The following ICA1 variants were observed in gnomAD, a reference collection of about 807,000 sequenced individuals.
ICA1 encodes islet cell autoantigen 1.
In ICA1, 40 loss-of-function variants were observed where a neutral mutation model predicts 71.0. The ratio of observed to expected loss-of-function variants is 0.56; its 90% CI spans 0.44 to 0.73. The LOEUF (loss-of-function observed/expected upper bound fraction) is 0.73. Ranked by LOEUF, ICA1 falls within the 30% of genes least tolerant of loss-of-function variation. The pLI is 0.00. For synonymous variants in ICA1, 207 were observed against 209.5 expected (o/e 0.99, Z 0.10); for missense variants, 578 against 576.5 (o/e 1.00, Z -0.03).
intron 2 of ICA1, 133 bp from the exon 3 acceptor site, chr7:8,232,888 T>C (rs180979744): frequency 1.2e-5 from 9 of 726,588 alleles, no homozygotes; most frequent in Non-Finnish European, 1.7e-5. Context: ...GTATGAGCAC[T>C]TTCTTATCTG....
chr7:8,255,275 A>G (rs577001901), intron 1 of ICA1, among the ~76,000 whole-genome samples: 2 of 152,254 alleles, frequency 1.3e-5, no homozygotes, highest in South Asian at 2.1e-4. Flanking sequence ...CAGCCCAGAG[A>G]ACATCTTTCA....
chr7:8,138,774 T>C (rs1428411827), intron 12 of ICA1, 66 bp downstream of exon 12: 3 of 1,267,800 alleles, frequency 2.4e-6, no homozygotes, highest in Non-Finnish European at 3.4e-6. Flanking sequence ...TACACTTTCT[T>C]ACATGTAAAA....
chr7:8,260,971 T>C (rs1385264209), intron 1 of ICA1, among the ~76,000 whole-genome samples: 3 of 152,210 alleles, frequency 2.0e-5, no homozygotes, highest in Non-Finnish European at 4.4e-5. Context: ...AAAAACATGT[T>C]TGCGATGAGT....
At chr7:8,209,854 T>C (rs1302137388) in intron 6 of ICA1, among the ~76,000 whole-genome samples, 3 of 152,126 alleles carry the variant, frequency 2.0e-5, no homozygotes, top group African/African-American at 7.2e-5. Flanking sequence ...CAGAGTGTGT[T>C]AAGAATGGGG....
At chr7:8,158,688 AC>A in intron 6 of ICA1, 36 bp from the exon 7 acceptor site, 1 of 1,596,310 alleles carries the variant, frequency 6.3e-7, no homozygotes, top group Non-Finnish European at 8.5e-7. Flanking sequence ...AATCACCCTA[AC>A]CCTTAAGTAG....
At chr7:8,192,756 T>C (rs1786118674) in intron 6 of ICA1, among the ~76,000 whole-genome samples, 1 of 152,228 alleles carries the variant, frequency 6.6e-6, no homozygotes. Context: ...TTTGTTTATA[T>C]CAAAGTAGCT....
rs796575330 is a variant in ICA1, at chr7:8,152,205, T to A, written c.804+4911A>T. On this transcript the variant is annotated intron_variant, in intron 8 of 13. Transcript: ENST00000402384. ...GGGGGTGGGTTGGGTTACCCTGGGG[T>A]GAGATCTGGCCAGACCTCCTGTCCC... Among the ~76,000 whole-genome samples, 12 of 152,142 alleles carry A rather than the reference T, an allele frequency of 7.9e-5. No individual in the cohort carries two copies. In the East Asian group the frequency reaches 1.5e-3, roughly 20 times the overall value.
chr7:8,245,305 C>A (rs1723640107), intron 1 of ICA1, among the ~76,000 whole-genome samples: 1 of 151,234 alleles, frequency 6.6e-6, no homozygotes, highest in African/African-American at 2.4e-5. Context: ...CAAACTATCA[C>A]AAGGACAGAA....
chr7:8,158,332 T>C, intron 7 of ICA1, 195 bp downstream of exon 7: 1 of 600,412 alleles, frequency 1.7e-6, no homozygotes, highest in Non-Finnish European at 2.9e-6. Flanking sequence ...GAAATTATGG[T>C]ATATACAGGA....
rs1169222371 is a variant in ICA1 at position 8,139,144 on chromosome 7, G to C, written c.956-97C>G. ...TAAGGTAAATGCACGGCTTCAGGAA[G>C]AAATGGGATCCACAAACTCAGCCAG... is the stretch of plus-strand genomic sequence containing the variant. On this transcript the variant is annotated intron_variant, in intron 10 of 13. Coordinates refer to ENST00000402384, the MANE Select transcript of ICA1 (RefSeq NM_001136020.3). 7.5e-6 allele frequency: 7 copies of C among 936,216 alleles called. No homozygotes were observed. The Admixed American group carries it at 1.4e-4, about 18-fold the overall frequency. The allele number at this position is 936,216 out of a possible 1,614,324, so 58.0% of individuals were successfully genotyped here.
At chr7:8,189,986 T>C (rs1296755297) in intron 6 of ICA1, among the ~76,000 whole-genome samples, 4 of 152,190 alleles carry the variant, frequency 2.6e-5, no homozygotes, top group South Asian at 4.1e-4. Flanking sequence ...AAGCCACTAA[T>C]TGGAGGGACG....
At chr7:8,189,761 G>A (rs887258237) in intron 6 of ICA1, among the ~76,000 whole-genome samples, 6 of 151,826 alleles carry the variant, frequency 4.0e-5, no homozygotes, top group African/African-American at 1.5e-4. Context: ...AGCAGACCAG[G>A]AGTGTGGGGA....
At chr7:8,205,437 C>T (rs917694472) in intron 6 of ICA1, among the ~76,000 whole-genome samples, 1 of 152,158 alleles carries the variant, frequency 6.6e-6, no homozygotes, top group Admixed American at 6.5e-5. Context: ...CCAGTCATAC[C>T]TGACTTTAAC....
intron 6 of ICA1, among the ~76,000 whole-genome samples, chr7:8,178,363 G>A (rs913037443): frequency 1.3e-5 from 2 of 152,170 alleles, no homozygotes; most frequent in African/African-American, 4.8e-5. Flanking sequence ...AATGGTCACT[G>A]TATTTTAATT....
At chr7:8,238,817 ATTGT>A (rs1802715900) in intron 1 of ICA1, among the ~76,000 whole-genome samples, 1 of 152,176 alleles carries the variant, frequency 6.6e-6, no homozygotes, top group Non-Finnish European at 1.5e-5. Context: ...TCCTCAAGGT[ATTGT>A]TTAACAGCCA....
At chr7:8,218,959 TC>T (rs1401415449) in intron 5 of ICA1, 30 of 227,492 alleles carry the variant, frequency 1.3e-4, no homozygotes, top group Non-Finnish European at 5.3e-5. Context: ...TGCTGCTCAC[TC>T]CAATAGTCAC....
At chr7:8,229,296 T>C (rs1447064654) in intron 3 of ICA1, among the ~76,000 whole-genome samples, 1 of 152,192 alleles carries the variant, frequency 6.6e-6, no homozygotes, top group Non-Finnish European at 1.5e-5. Context: ...TATAATGCCA[T>C]GCTGTGGCCA....
intron 6 of ICA1, among the ~76,000 whole-genome samples, chr7:8,167,588 C>T (rs1040604277): frequency 7.9e-5 from 12 of 152,064 alleles, no homozygotes. Context: ...ATGTAATTTA[C>T]CTAAATAACA....
intron 10 of ICA1, among the ~76,000 whole-genome samples, chr7:8,140,956 G>C (rs1490968052): frequency 6.6e-6 from 1 of 152,212 alleles, no homozygotes; most frequent in East Asian, 1.9e-4. Context: ...GGGTGAAGCA[G>C]GAAGAGATGC....
Sources: allele counts gnomAD v4.1 joint callset (sites outside exome capture counted in the v4.1 genomes callset), GRCh38; gene constraint gnomAD v4.1.1; transcripts MANE v1.5; gene names NCBI Gene and HGNC (gene_info 2026-07-23, HGNC 2026-07-21).